TMEM161B: variants seen among roughly 807,000 people sequenced by gnomAD.
TMEM161B encodes transmembrane protein 161B.
A neutral mutation model predicts 61.8 loss-of-function variants in TMEM161B; 34 were observed. That is an observed-to-expected ratio of 0.55 (90% confidence interval 0.42 to 0.73). TMEM161B has a LOEUF of 0.73. TMEM161B is among the 30% of genes least tolerant of loss of function. The probability of loss-of-function intolerance (pLI) is 0.00; values close to 1 mark genes in which losing one functional copy is unlikely to be tolerated. For missense variants in TMEM161B, 456 were observed against 558.5 expected, an observed-to-expected ratio of 0.82 and a Z score of 1.85; for synonymous variants, 167 against 192.8, an observed-to-expected ratio of 0.87 and a Z score of 1.11.
At chr5:88,241,234 G>A (rs1368770651) in intron 1 of TMEM161B, among the ~76,000 whole-genome samples, 1 of 151,758 alleles carries the variant, frequency 6.6e-6, no homozygotes, top group African/African-American at 2.4e-5. Flanking sequence ...ATAGGAGGAC[G>A]TGCATAGGTT....
At chr5:88,229,489 GT>G (rs11368125) in intron 2 of TMEM161B, among the ~76,000 whole-genome samples, 108,530 of 143,210 alleles carry the variant, frequency 0.76, 40,908 homozygotes, top group South Asian at 0.85. Flanking sequence ...CTAGTTATTG[GT>G]TTTTTTTTTT....
chr5:88,250,013 G>T (rs186999420), intron 1 of TMEM161B, among the ~76,000 whole-genome samples: 1 of 152,196 alleles, frequency 6.6e-6, no homozygotes, highest in African/African-American at 2.4e-5. Context: ...CTATATCTAT[G>T]TTCTATCCTA....
At chr5:88,254,329 A>G (rs1392185068) in intron 1 of TMEM161B, among the ~76,000 whole-genome samples, 1 of 152,202 alleles carries the variant, frequency 6.6e-6, no homozygotes, top group Admixed American at 6.5e-5. Flanking sequence ...AGAACTTATT[A>G]TAGATTATTT....
downstream of TMEM161B, among the ~76,000 whole-genome samples, chr5:88,190,880 T>TA (rs1359528622): frequency 1.3e-5 from 2 of 152,226 alleles, no homozygotes; most frequent in Non-Finnish European, 2.9e-5. Context: ...TGGATTATCT[T>TA]AGAGATTACA....
chr5:88,218,682 T>A (rs1432293408), intron 5 of TMEM161B, among the ~76,000 whole-genome samples: 1 of 152,078 alleles, frequency 6.6e-6, no homozygotes, highest in Non-Finnish European at 1.5e-5. Flanking sequence ...AGTGAGACCC[T>A]GTCTCAAAAG....
At chr5:88,194,803 TC>T (rs1362287280), downstream of TMEM161B, among the ~76,000 whole-genome samples, 3 of 152,064 alleles carry the variant, frequency 2.0e-5, no homozygotes, top group African/African-American at 7.2e-5. Flanking sequence ...AAAGACAGCC[TC>T]TTAAGAGTTA....
intron 4 of TMEM161B, chr5:88,221,753 A>G (rs1749028333): frequency 2.2e-6 from 1 of 456,070 alleles, no homozygotes; most frequent in Non-Finnish European, 4.4e-6. Context: ...CATTTTTTAG[A>G]AGGCCTCCTA....
chr5:88,224,957 A>ATGTT (rs1749716928), intron 4 of TMEM161B, among the ~76,000 whole-genome samples: 1 of 128,836 alleles, frequency 7.8e-6, no homozygotes, highest in African/African-American at 2.9e-5. Context: ...CACACAAAAT[A>ATGTT]TGTTTTTGTT....
intron 1 of TMEM161B, among the ~76,000 whole-genome samples, chr5:88,242,007 G>C (rs1752831123): frequency 6.6e-6 from 1 of 151,636 alleles, no homozygotes; most frequent in Non-Finnish European, 1.5e-5. Context: ...TGATTTTCAG[G>C]AACTTCCGCT....
chr5:88,259,528 A>T (rs907764439), intron 1 of TMEM161B, among the ~76,000 whole-genome samples: 1 of 152,218 alleles, frequency 6.6e-6, no homozygotes, highest in African/African-American at 2.4e-5. Context: ...CCAATTTCTC[A>T]AATTGCTCTT....
At chr5:88,191,057 C>T (rs1357949847), downstream of TMEM161B, among the ~76,000 whole-genome samples, 1 of 152,046 alleles carries the variant, frequency 6.6e-6, no homozygotes, top group Non-Finnish European at 1.5e-5. Context: ...TGTTTTTTGT[C>T]CATTTGCTTA....
At chr5:88,188,833 G>C (rs567347974), downstream of TMEM161B, among the ~76,000 whole-genome samples, 2 of 152,274 alleles carry the variant, frequency 1.3e-5, no homozygotes, top group South Asian at 2.1e-4. Flanking sequence ...AGTTGGGGGG[G>C]GTGGTTAATC....
chr5:88,259,068 T>C (rs1755357433), intron 1 of TMEM161B, among the ~76,000 whole-genome samples: 1 of 152,318 alleles, frequency 6.6e-6, no homozygotes, highest in Non-Finnish European at 1.5e-5. Flanking sequence ...CCACTTCTAC[T>C]AGTAGAGAAA....
At chr5:88,192,646 T>C (rs1749069553), downstream of TMEM161B, among the ~76,000 whole-genome samples, 1 of 152,164 alleles carries the variant, frequency 6.6e-6, no homozygotes, top group Admixed American at 6.5e-5. Context: ...GTTCAAGCTC[T>C]AGTATCACTA....
intron 9 of TMEM161B, chr5:88,200,344 G>A (rs1744156891): frequency 6.6e-6 from 1 of 152,062 alleles, no homozygotes; most frequent in African/African-American, 2.4e-5. Flanking sequence ...AATGAACAAT[G>A]AGATTTAGGA....
intron 1 of TMEM161B, among the ~76,000 whole-genome samples, chr5:88,247,704 A>G (rs1753793548): frequency 6.6e-6 from 1 of 152,094 alleles, no homozygotes; most frequent in Non-Finnish European, 1.5e-5. Context: ...AGATGTATTT[A>G]AACAAACCAT....
intron 5 of TMEM161B, among the ~76,000 whole-genome samples, chr5:88,216,075 T>C (rs1747771148): frequency 3.9e-5 from 6 of 152,084 alleles, no homozygotes; most frequent in Admixed American, 3.3e-4. Flanking sequence ...CTGGACAGCA[T>C]AGTGAGACCC....
chr5:88,234,555 T>G lies in TMEM161B; in HGVS notation c.108-6027A>C, dbSNP rs1010107408. Among the ~76,000 whole-genome samples the G allele has an allele frequency of 3.9e-5, 6 of 152,294 alleles. No individual in the cohort carries two copies. The East Asian group carries it at 1.2e-3, about 29-fold the overall frequency. The stretch of plus-strand genomic sequence containing the variant: ...ACTACATTTTGTATTCTGGTCTCAA[T>G]TTCCAGTCTTTTCCTTTGGTATTAA... On this transcript the variant is annotated intron_variant, in intron 2 of 11. Coordinates refer to ENST00000296595, the MANE Select transcript of TMEM161B (RefSeq NM_153354.5).
At chr5:88,209,158 T>C (rs1289565581) in intron 5 of TMEM161B, among the ~76,000 whole-genome samples, 1 of 152,158 alleles carries the variant, frequency 6.6e-6, no homozygotes, top group Non-Finnish European at 1.5e-5. Flanking sequence ...ACAATACAGG[T>C]CCATCCATCT....
Sources: gnomAD v4.1 joint callset for allele counts (sites outside exome capture counted in the v4.1 genomes callset) on GRCh38, gnomAD v4.1.1 for gene constraint, MANE v1.5 for transcripts, NCBI Gene and HGNC (gene_info 2026-07-23, HGNC 2026-07-21) for gene names.